HPCAL1: variants seen among roughly 807,000 people sequenced by gnomAD.
HPCAL1 encodes hippocalcin like 1.
HPCAL1 carries 8 observed loss-of-function variants against 17.1 expected under a neutral mutation model. The observed-to-expected ratio is 0.47, with a 90% CI of 0.27 to 0.84. HPCAL1 has a LOEUF of 0.84. Ranked by LOEUF, HPCAL1 falls within the 40% of genes least tolerant of loss-of-function variation. The probability of loss-of-function intolerance (pLI) is 0.13; values close to 1 mark genes in which losing one functional copy is unlikely to be tolerated. For missense variants in HPCAL1, 165 were observed against 271.1 expected (o/e 0.61, Z 2.75); for synonymous variants, 112 against 111.4 (o/e 1.01, Z -0.03).
Position 10,342,460 on chromosome 2 carries a change from G to C in HPCAL1, c.-111+39283G>C, listed in dbSNP as rs1665154396. ...CCAGCGCGCAGCCTGAAAGGGAGGC[G>C]TGCAGAAACAACGTAGCTCCAAGGA... On this transcript the variant is annotated intron_variant, in intron 1 of 4. Coordinates refer to ENST00000307845, the MANE Select transcript of HPCAL1 (RefSeq NM_002149.4). This position sits in a 1 kb window ranked among gnomAD's most constrained non-coding sequence, Gnocchi z 4.1. Among the ~76,000 whole-genome samples, 1 of 149,928 alleles carries C rather than the reference G, an allele frequency of 6.7e-6. No homozygotes were observed. Among genetic ancestry groups the C allele is most frequent in the East Asian group, 2.1e-4 (1 of 4,800 alleles).
At chr2:10,411,245 C>T (rs1322332860) in intron 2 of HPCAL1, among the ~76,000 whole-genome samples, 2 of 152,188 alleles carry the variant, frequency 1.3e-5, no homozygotes, top group Non-Finnish European at 2.9e-5. Context: ...ATGGTCTTGG[C>T]ATGGAAAGGG....
At chr2:10,366,087 ACCGCCCATT>A (rs1399490006) in intron 1 of HPCAL1, among the ~76,000 whole-genome samples, 5 of 151,972 alleles carry the variant, frequency 3.3e-5, no homozygotes, top group Non-Finnish European at 4.4e-5. Flanking sequence ...TCCCTCCTGG[ACCGCCCATT>A]CCCTGGGCCC....
intron 1 of HPCAL1, among the ~76,000 whole-genome samples, chr2:10,370,329 T>C (rs1289091462): frequency 2.0e-5 from 3 of 152,226 alleles, no homozygotes; most frequent in African/African-American, 7.2e-5. Context: ...TGCCTGCAGG[T>C]GCATGCTTGG....
intron 1 of HPCAL1, among the ~76,000 whole-genome samples, chr2:10,347,473 T>A (rs1572690769): frequency 6.6e-6 from 1 of 152,106 alleles, no homozygotes; most frequent in African/African-American, 2.4e-5. Context: ...GGGGCAAAGG[T>A]GGGCGTGGGG....
intron 1 of HPCAL1, among the ~76,000 whole-genome samples, chr2:10,334,708 C>T (rs1664609585): frequency 3.0e-5 from 3 of 99,734 alleles, no homozygotes; most frequent in African/African-American, 1.1e-4. Context: ...TTTTTTGAGG[C>T]AGGGTCTCGC....
chr2:10,413,150 T>C (rs575449297), intron 2 of HPCAL1, among the ~76,000 whole-genome samples: 1 of 152,312 alleles, frequency 6.6e-6, no homozygotes, highest in South Asian at 2.1e-4. Flanking sequence ...CTCTGGTCTG[T>C]GCTGGGCCTG....
chr2:10,375,494 G>A (rs556554530), intron 1 of HPCAL1, among the ~76,000 whole-genome samples: 9 of 152,280 alleles, frequency 5.9e-5, no homozygotes, highest in Admixed American at 5.9e-4. Flanking sequence ...CTCCCATTTC[G>A]TGTCCTTTAG....
intron 2 of HPCAL1, among the ~76,000 whole-genome samples, chr2:10,416,258 T>G (rs1245701873): frequency 6.6e-6 from 1 of 152,192 alleles, no homozygotes; most frequent in Non-Finnish European, 1.5e-5. Context: ...CGGGCCATGA[T>G]TCAACCCATG....
chr2:10,401,625 C>T (rs1447595899), intron 2 of HPCAL1, among the ~76,000 whole-genome samples: 1 of 152,160 alleles, frequency 6.6e-6, no homozygotes, highest in Non-Finnish European at 1.5e-5. Context: ...TCTCTCCCTC[C>T]TTGACTTCCT....
chr2:10,367,603 C>T lies in HPCAL1; in HGVS notation c.-110-29232C>T, dbSNP rs1439465631. ...AATAGCAACAACAATCACTGTCATC[C>T]CACGGGTTGGTTTAGATGTAAATTT... On this transcript the variant is annotated intron_variant, in intron 1 of 4. Transcript: ENST00000307845. This position sits in a 1 kb window ranked among gnomAD's most constrained non-coding sequence, Gnocchi z 4.4. Among the ~76,000 whole-genome samples the T allele has an allele frequency of 6.6e-6, 1 of 152,076 alleles. No individual in the cohort carries two copies. Among genetic ancestry groups the T allele is most frequent in the Non-Finnish European group, 1.5e-5 (1 of 68,022 alleles).
At chr2:10,417,341 T>C (rs1049477307) in intron 2 of HPCAL1, among the ~76,000 whole-genome samples, 2 of 150,152 alleles carry the variant, frequency 1.3e-5, no homozygotes, top group African/African-American at 4.9e-5. Flanking sequence ...CCAACCTGGG[T>C]GACAAGAGCG....
In HPCAL1 at chr2:10,387,959, C is replaced by T. The variant is rs375118812; in HGVS notation, c.-110-8876C>T. Among the ~76,000 whole-genome samples the T allele has an allele frequency of 3.3e-5, 5 of 152,192 alleles. No homozygotes were observed. In the South Asian group the frequency reaches 8.3e-4, roughly 25 times the overall value. On this transcript the variant is annotated intron_variant, in intron 1 of 4. Coordinates refer to ENST00000307845, the MANE Select transcript of HPCAL1 (RefSeq NM_002149.4). Reference sequence around the variant, plus strand: ...AATCACAGGTGGAGGTCTGTGTGTTCGGCAGGTGAATGGCCATGCAGGGGT... The same window carrying T: ...AATCACAGGTGGAGGTCTGTGTGTTTGGCAGGTGAATGGCCATGCAGGGGT...
intron 1 of HPCAL1, among the ~76,000 whole-genome samples, chr2:10,346,631 C>A (rs1418588736): frequency 6.6e-6 from 1 of 152,160 alleles, no homozygotes; most frequent in Non-Finnish European, 1.5e-5. Flanking sequence ...ACCCACAGAC[C>A]CGGGACTGGC....
intron 2 of HPCAL1, among the ~76,000 whole-genome samples, chr2:10,411,205 GA>G (rs1670331580): frequency 6.6e-6 from 1 of 152,166 alleles, no homozygotes; most frequent in Non-Finnish European, 1.5e-5. Context: ...CACCAGCCAG[GA>G]GCACCCTGGG....
intron 1 of HPCAL1, among the ~76,000 whole-genome samples, chr2:10,314,137 GAA>G (rs746560522): frequency 6.2e-5 from 8 of 128,904 alleles, no homozygotes; most frequent in East Asian, 2.2e-4. Flanking sequence ...CCGTCTCAGG[GAA>G]AAAAAAAAAA....
At chr2:10,397,307 C>A (rs1173934393) in intron 2 of HPCAL1, among the ~76,000 whole-genome samples, 1 of 152,178 alleles carries the variant, frequency 6.6e-6, no homozygotes, top group East Asian at 1.9e-4. Flanking sequence ...GTCCGGGTTT[C>A]TTTGTCTTCT....
chr2:10,391,774 A>T (rs1241641980), intron 1 of HPCAL1, among the ~76,000 whole-genome samples: 1 of 152,192 alleles, frequency 6.6e-6, no homozygotes, highest in Non-Finnish European at 1.5e-5. Flanking sequence ...TTTGTGACAG[A>T]GTCTCGCTCT....
In HPCAL1 at chr2:10,362,921, C is replaced by T. The variant is rs1286991906; in HGVS notation, c.-110-33914C>T. On this transcript the variant is annotated intron_variant, in intron 1 of 4. Transcript: ENST00000307845. This position sits in a 1 kb window ranked among gnomAD's most constrained non-coding sequence, Gnocchi z 5.0. ...GACAGTCGGACTGGGGAATCCCTGG[C>T]CCAGAGAGGGAAACTGGTTTTCCCA... Among the ~76,000 whole-genome samples the T allele has an allele frequency of 3.3e-5, 5 of 152,166 alleles. No homozygotes were observed. The highest frequency in any genetic ancestry group is 3.3e-4 in the Admixed American group (5 of 15,286).
intron 3 of HPCAL1, among the ~76,000 whole-genome samples, 197 bp downstream of exon 3, chr2:10,420,332 C>G (rs111729157): frequency 7.6e-4 from 115 of 151,416 alleles, no homozygotes; most frequent in African/African-American, 2.7e-3. Context: ...GCTTCAGCCT[C>G]TTGAGCACCT....
Sources: allele counts gnomAD v4.1 joint callset (sites outside exome capture counted in the v4.1 genomes callset), GRCh38; gene constraint gnomAD v4.1.1; non-coding constraint Gnocchi (gnomAD v3.1); transcripts MANE v1.5; gene names NCBI Gene and HGNC (gene_info 2026-07-23, HGNC 2026-07-21).